Variants in ATP10B observed in about 807,000 individuals in gnomAD.
The protein encoded by ATP10B is phospholipid-transporting ATPase VB.
ATP10B carries 122 observed loss-of-function variants against 141.2 expected under a neutral mutation model. That is an observed-to-expected ratio of 0.86 (90% confidence interval 0.75 to 1.00). ATP10B has a LOEUF of 1.00. Ranked by LOEUF, ATP10B falls within the 50% of genes least tolerant of loss-of-function variation. The pLI is 0.00. For synonymous variants in ATP10B, 685 were observed against 692.0 expected, an observed-to-expected ratio of 0.99 and a Z score of 0.16; for missense variants, 1,876 against 1,825.3, an observed-to-expected ratio of 1.03 and a Z score of -0.51.
At chr5:160,584,124 C>T (rs951159872) in intron 24 of ATP10B, among the ~76,000 whole-genome samples, 20 of 152,178 alleles carry the variant, frequency 1.3e-4, no homozygotes, top group African/African-American at 3.6e-4. Flanking sequence ...TCTGCCCAAA[C>T]GGCCACCCAG....
chr5:160,721,955 C>T (rs959972905), intron 2 of ATP10B, among the ~76,000 whole-genome samples: 7 of 152,200 alleles, frequency 4.6e-5, no homozygotes, highest in African/African-American at 7.2e-5. Flanking sequence ...TTCTTTCTAG[C>T]TGTGAGTCTC....
intron 24 of ATP10B, among the ~76,000 whole-genome samples, chr5:160,577,621 T>TA (rs1755278030): frequency 1.3e-5 from 2 of 152,210 alleles, no homozygotes; most frequent in African/African-American, 4.8e-5. Context: ...TTAAAAGTGC[T>TA]AGTATTTTTA....
At chr5:160,889,442 C>T in the ATP10B span, among the ~76,000 whole-genome samples, 4 of 152,298 alleles carry the variant, frequency 2.6e-5, no homozygotes, top group Non-Finnish European at 5.9e-5. Context: ...TCTTCCCCTC[C>T]CACTCCCCAA....
chr5:160,597,805 ACTGG>A (rs1361416237), intron 22 of ATP10B, among the ~76,000 whole-genome samples: 1 of 152,214 alleles, frequency 6.6e-6, no homozygotes, highest in East Asian at 1.9e-4. Flanking sequence ...GCTCACCATG[ACTGG>A]CTATCAGAGA....
At chr5:160,669,664 A>G (rs1052929631) in intron 7 of ATP10B, among the ~76,000 whole-genome samples, 4 of 124,070 alleles carry the variant, frequency 3.2e-5, no homozygotes, top group Non-Finnish European at 4.7e-5. Flanking sequence ...CCAGGCTGTG[A>G]TCTTAGCTCA....
the ATP10B span, among the ~76,000 whole-genome samples, chr5:160,897,536 GAGAGGACACAAACA>G: frequency 1.3e-5 from 2 of 152,090 alleles, no homozygotes; most frequent in African/African-American, 4.8e-5. Context: ...AAGAAAATAA[GAGAGGACACAAACA>G]AGTGGAAAAA....
chr5:160,879,548 A>AG, the ATP10B span, among the ~76,000 whole-genome samples: 1 of 151,482 alleles, frequency 6.6e-6, no homozygotes, highest in African/African-American at 2.4e-5. Flanking sequence ...AAAAAAAAAA[A>AG]AAAAACCACG....
intron 2 of ATP10B, among the ~76,000 whole-genome samples, chr5:160,745,344 T>C (rs988815863): frequency 6.6e-6 from 1 of 152,224 alleles, no homozygotes; most frequent in African/African-American, 2.4e-5. Flanking sequence ...CAGATTCCTC[T>C]TATTTTAAGG....
At chr5:160,686,034 G>A (rs1763728148) in intron 6 of ATP10B, 45 bp downstream of exon 6, 1 of 1,432,300 alleles carries the variant, frequency 7.0e-7, no homozygotes, top group East Asian at 2.4e-5. Flanking sequence ...TGATGAGTTT[G>A]CCTAACCCAT....
chr5:160,650,193 C>T (rs1047611806), intron 7 of ATP10B, among the ~76,000 whole-genome samples: 1 of 151,038 alleles, frequency 6.6e-6, no homozygotes, highest in Middle Eastern at 3.5e-3. Context: ...TATACATGTA[C>T]ACACACACAT....
At chr5:160,618,227 G>A (rs1214750089) in intron 15 of ATP10B, among the ~76,000 whole-genome samples, 1 of 152,210 alleles carries the variant, frequency 6.6e-6, no homozygotes, top group African/African-American at 2.4e-5. Context: ...ATGTAAGGAA[G>A]GTAGGTGGTC....
chr5:160,874,873 A>G, the ATP10B span, among the ~76,000 whole-genome samples: 4 of 145,796 alleles, frequency 2.7e-5, no homozygotes, highest in Non-Finnish European at 6.0e-5. Flanking sequence ...TCCAAGAAAT[A>G]TGGGACTATG....
intron 1 of ATP10B, among the ~76,000 whole-genome samples, chr5:160,845,742 G>A (rs1179063304): frequency 6.6e-6 from 1 of 151,846 alleles, no homozygotes; most frequent in African/African-American, 2.4e-5. Context: ...AACATTCTGG[G>A]GTCTCTGGCT....
At chr5:160,863,760 A>G in the ATP10B span, among the ~76,000 whole-genome samples, 6 of 152,046 alleles carry the variant, frequency 3.9e-5, no homozygotes, top group African/African-American at 1.4e-4. Context: ...ATGAAACTAG[A>G]GACATTACAA....
intron 7 of ATP10B, among the ~76,000 whole-genome samples, chr5:160,670,145 T>C (rs1762585905): frequency 6.6e-6 from 1 of 152,064 alleles, no homozygotes; most frequent in Admixed American, 6.6e-5. Context: ...CTAGTGATGA[T>C]GGAACAGACA....
In ATP10B at chr5:160,564,465, C is replaced by A. The variant is rs576826761; in HGVS notation, c.*988G>T. 6.6e-6 allele frequency: 1 copy of A among 151,958 alleles called. No individual in the cohort carries two copies. The highest frequency in any genetic ancestry group is 1.5e-5 in the Non-Finnish European group (1 of 67,984). 9.4% of individuals were successfully genotyped at this position (151,958 alleles called of 1,614,324 possible). ...GGCTGGAAGGGGGTTTCAGCCTATC[C>A]CCATTCTGGAATAGGCTGAATGGGG... On this transcript the variant is annotated 3_prime_UTR_variant, in exon 26 of 26. Coordinates refer to ENST00000327245, the MANE Select transcript of ATP10B (RefSeq NM_025153.3).
chr5:160,839,465 C>CA (rs930073614), intron 1 of ATP10B, among the ~76,000 whole-genome samples: 1 of 151,314 alleles, frequency 6.6e-6, no homozygotes, highest in Admixed American at 6.6e-5. Context: ...TAAGTGAGAC[C>CA]AAAAAAAGTC....
intron 3 of ATP10B, 84 bp from the exon 4 acceptor site, chr5:160,689,027 A>C (rs1763924783): frequency 2.7e-6 from 2 of 736,940 alleles, no homozygotes; most frequent in Non-Finnish European, 1.7e-6. Flanking sequence ...AAGCTTGTCC[A>C]CCACCATCGA....
chr5:160,925,041 G>A, the ATP10B span, among the ~76,000 whole-genome samples: 20 of 152,322 alleles, frequency 1.3e-4, no homozygotes, highest in Admixed American at 5.2e-4. Flanking sequence ...AAAGATGACA[G>A]GACACCGATA....
Sources: gnomAD v4.1 joint callset for allele counts (sites outside exome capture counted in the v4.1 genomes callset) on GRCh38, gnomAD v4.1.1 for gene constraint, MANE v1.5 for transcripts, NCBI Gene and HGNC (gene_info 2026-07-23, HGNC 2026-07-21) for gene names.